Variants in AKR1E2 observed in about 807,000 individuals in gnomAD.
AKR1E2 encodes aldo-keto reductase family 1 member E2.
Under a neutral mutation model 41.9 loss-of-function variants are expected in AKR1E2, and 43 were observed. The ratio of observed to expected loss-of-function variants is 1.03; its 90% confidence interval spans 0.80 to 1.32. The LOEUF is 1.32. Ranked by LOEUF, AKR1E2 falls within the 40% of genes most tolerant of loss-of-function variation. The probability of loss-of-function intolerance (pLI) is 0.00; values close to 1 mark genes in which losing one functional copy is unlikely to be tolerated. For missense variants in AKR1E2, 423 were observed against 396.5 expected (o/e 1.07, Z -0.57); for synonymous variants, 121 against 138.9 (o/e 0.87, Z 0.91).
the AKR1E2 span, among the ~76,000 whole-genome samples, chr10:4,854,291 A>C: frequency 6.6e-6 from 1 of 151,928 alleles, no homozygotes; most frequent in Non-Finnish European, 1.5e-5. Flanking sequence ...ATGGGGTTTC[A>C]CCATATTGAC....
At chr10:4,843,572 C>G (rs1383207989) in intron 8 of AKR1E2, among the ~76,000 whole-genome samples, 1 of 152,222 alleles carries the variant, frequency 6.6e-6, no homozygotes, top group Non-Finnish European at 1.5e-5. Flanking sequence ...CAAGGCACTG[C>G]TGCATCCTGA....
chr10:4,848,870 CAG>C (rs752218938), downstream of AKR1E2, among the ~76,000 whole-genome samples: 15 of 152,342 alleles, frequency 9.8e-5, no homozygotes, highest in African/African-American at 3.4e-4. Flanking sequence ...CTTGTCCACT[CAG>C]TGGAGGAATT....
At chr10:4,847,280 A>G (rs1834404400) in intron 9 of AKR1E2, 50 bp downstream of exon 9, 1 of 1,610,750 alleles carries the variant, frequency 6.2e-7, no homozygotes, top group Non-Finnish European at 8.5e-7. Flanking sequence ...ATACAGATTG[A>G]ATGATTGGTG....
the AKR1E2 span, among the ~76,000 whole-genome samples, chr10:4,857,351 A>G: frequency 6.6e-6 from 1 of 152,068 alleles, no homozygotes; most frequent in Non-Finnish European, 1.5e-5. Flanking sequence ...TTGGTACTGT[A>G]TAGTGAATGA....
chr10:4,844,265 G>A (rs1423524307), intron 8 of AKR1E2, among the ~76,000 whole-genome samples: 3 of 151,970 alleles, frequency 2.0e-5, no homozygotes, highest in South Asian at 2.1e-4. Flanking sequence ...AAGGTGGCGC[G>A]TCTGGAGTTG....
intron 6 of AKR1E2, among the ~76,000 whole-genome samples, chr10:4,840,564 T>C (rs1432812269): frequency 6.6e-6 from 1 of 152,178 alleles, no homozygotes; most frequent in Admixed American, 6.5e-5. Flanking sequence ...GTGTGGCCTG[T>C]GAGATGCAGC....
chr10:4,827,906 C>T (rs1461854370), intron 1 of AKR1E2, among the ~76,000 whole-genome samples: 1 of 152,112 alleles, frequency 6.6e-6, no homozygotes, highest in African/African-American at 2.4e-5. Context: ...TCCAGACTTT[C>T]GTGCACACAG....
In AKR1E2 at chr10:4,835,730, A is replaced by G; in HGVS notation, c.380A>G (p.His127Arg). ...AGTGAACTTTCCTTCTGCCTCTCAC[A>G]TCCTCGAGTGCAGGACTTGCCTCTG... ...SCSELSFCLS[H>R]PRVQDLPLDE... Residue 127 changes from histidine to arginine, a missense_variant, in exon 4 of 10, where the codon CAT (histidine) becomes CGT (arginine). His to Arg is a conservative substitution (Grantham distance 29, BLOSUM62 0). Transcript: ENST00000298375. 1.9e-6 allele frequency: 3 copies of G among 1,614,144 alleles called. No homozygotes were observed. Among genetic ancestry groups the G allele is most frequent in the Non-Finnish European group, 2.5e-6 (3 of 1,180,030 alleles).
rs775217467 is a variant in AKR1E2 at position 4,835,856 on chromosome 10, C to T, written c.459+47C>T. On this transcript the variant is annotated intron_variant, in intron 4 of 9. Transcript: ENST00000298375. The stretch of plus-strand genomic sequence containing the variant: ...GGCAGCCTCATCCTGTGTGGGTCTC[C>T]ACCCAGGATGCAGTGAGCCCTGAGC... 21 of 1,606,226 alleles carry T rather than the reference C, an allele frequency of 1.3e-5. No individual in the cohort carries two copies. The East Asian group carries it at 2.7e-4, about 21-fold the overall frequency.
Position 4,847,750 on chromosome 10 carries a change from C to T in AKR1E2, c.*220C>T. 1.8e-6 allele frequency: 1 copy of T among 570,508 alleles called. No homozygotes were observed. The highest frequency in any genetic ancestry group is 3.1e-6 in the Non-Finnish European group (1 of 321,968). The allele number at this position is 570,508 out of a possible 1,614,324, so 35.3% of individuals were successfully genotyped here. A position where few individuals can be genotyped will look rare whatever the true frequency, so the allele number is the denominator to read the frequency against. Reference sequence around the variant, plus strand: ...TTCTCCAAGACAGCCTGTGTGGCCTCTACTCTGAACAAATACACTGATGAG... The same window carrying T: ...TTCTCCAAGACAGCCTGTGTGGCCTTTACTCTGAACAAATACACTGATGAG... On this transcript the variant is annotated 3_prime_UTR_variant, in exon 10 of 10. Coordinates refer to ENST00000298375, the MANE Select transcript of AKR1E2 (RefSeq NM_001040177.3).
At chr10:4,835,024 T>A (rs922404373) in intron 3 of AKR1E2, among the ~76,000 whole-genome samples, 4 of 152,242 alleles carry the variant, frequency 2.6e-5, no homozygotes, top group Admixed American at 1.3e-4. Context: ...TGTATCAGGC[T>A]GGAACATGTG....
At chr10:4,835,033 T>G (rs1385056688) in intron 3 of AKR1E2, among the ~76,000 whole-genome samples, 1 of 152,222 alleles carries the variant, frequency 6.6e-6, no homozygotes, top group Non-Finnish European at 1.5e-5. Context: ...CTGGAACATG[T>G]GACATTCTTC....
intron 4 of AKR1E2, 27 bp from the exon 5 acceptor site, chr10:4,837,431 CA>C: frequency 6.2e-7 from 1 of 1,611,256 alleles, no homozygotes; most frequent in Middle Eastern, 1.7e-4. Flanking sequence ...ACAGAAGCTT[CA>C]CACCCAGCAG....
the AKR1E2 span, among the ~76,000 whole-genome samples, chr10:4,855,798 A>C: frequency 6.6e-6 from 1 of 152,352 alleles, no homozygotes; most frequent in Admixed American, 6.5e-5. Flanking sequence ...AAATAAATAC[A>C]TTTGGTCTAA....
At chr10:4,839,886 TCATTTCCTTGGGATGACTGAGGGA>T (rs1238251366) in intron 6 of AKR1E2, 60 bp downstream of exon 6, 45 of 1,471,780 alleles carry the variant, frequency 3.1e-5, no homozygotes, top group Non-Finnish European at 4.0e-5. Flanking sequence ...TGCCACCTTC[TCATTTCCTTGGGATGACTGAGGGA>T]GGGCTTAATG....
chr10:4,872,231 C>A, the AKR1E2 span, among the ~76,000 whole-genome samples: 1 of 152,096 alleles, frequency 6.6e-6, no homozygotes, highest in Admixed American at 6.5e-5. Flanking sequence ...TATTTTGAAC[C>A]TCCAGGAGGG....
At chr10:4,860,709 C>G in the AKR1E2 span, among the ~76,000 whole-genome samples, 3 of 152,122 alleles carry the variant, frequency 2.0e-5, no homozygotes, top group African/African-American at 7.2e-5. Flanking sequence ...ATTAATAACC[C>G]AAACTCTGTG....
At chr10:4,870,347 TC>T in the AKR1E2 span, among the ~76,000 whole-genome samples, 1 of 152,094 alleles carries the variant, frequency 6.6e-6, no homozygotes, top group East Asian at 1.9e-4. Context: ...GCAAGAACAA[TC>T]TACTGCGTTT....
intron 5 of AKR1E2, 71 bp downstream of exon 5, chr10:4,837,652 C>A: frequency 6.4e-7 from 1 of 1,566,056 alleles, no homozygotes; most frequent in Non-Finnish European, 8.7e-7. Flanking sequence ...CCACAGGGCT[C>A]TTCTGGAAAT....
Sources: allele counts gnomAD v4.1 joint callset (sites outside exome capture counted in the v4.1 genomes callset), GRCh38; gene constraint gnomAD v4.1.1; transcripts MANE v1.5; gene names NCBI Gene and HGNC (gene_info 2026-07-23, HGNC 2026-07-21).